The following ANKMY2 variants were observed in gnomAD, a reference collection of about 807,000 sequenced individuals.
ANKMY2 encodes the protein ankyrin repeat and MYND domain containing 2, also known as ankyrin repeat and MYND domain-containing protein 2.
A neutral mutation model predicts 50.4 loss-of-function variants in ANKMY2; 36 were observed. The ratio of observed to expected loss-of-function variants is 0.71; its 90% CI spans 0.55 to 0.94. The LOEUF is 0.94. ANKMY2 is among the 40% of genes least tolerant of loss of function. The probability of loss-of-function intolerance (pLI) is 0.00; values close to 1 mark genes in which losing one functional copy is unlikely to be tolerated. For synonymous variants in ANKMY2, 187 were observed against 178.8 expected, an observed-to-expected ratio of 1.05 and a Z score of -0.36; for missense variants, 565 against 524.0, an observed-to-expected ratio of 1.08 and a Z score of -0.76.
Position 16,621,563 on chromosome 7 carries a change from C to T in ANKMY2, c.370+3420G>A, listed in dbSNP as rs140178994. On this transcript the variant is annotated intron_variant, in intron 4 of 9. Coordinates refer to ENST00000306999, the MANE Select transcript of ANKMY2 (RefSeq NM_020319.3). ...TAAATTCTAGATGTACCAAAAAAAT[C>T]ATAAAAAATAACTGAAGGATATTTA... is the stretch of plus-strand genomic sequence containing the variant. 9.2e-5 allele frequency among the ~76,000 whole-genome samples: 14 copies of T among 152,138 alleles called. No homozygotes were observed. The East Asian group carries it at 2.5e-3, about 27-fold the overall frequency.
chr7:16,627,026 T>G lies in ANKMY2; in HGVS notation c.271+14A>C, dbSNP rs371127569. On this transcript the variant is annotated intron_variant, in intron 3 of 9. Transcript: ENST00000306999. ...TGTATAGGTAACTTATATTTATAAA[T>G]ACTAAAACTTCACCAGAAAGTGCAG... The G allele has an allele frequency of 1.8e-5, 28 of 1,587,764 alleles. No homozygotes were observed. The Admixed American group carries it at 1.8e-4, about 10-fold the overall frequency.
At position 16,614,012 on chromosome 7, in the gene ANKMY2, A is replaced by G. The variant is rs569273342; in HGVS notation, c.531+1732T>C. On this transcript the variant is annotated intron_variant, in intron 5 of 9. Transcript: ENST00000306999. ...GAAAGACAGTGAATCAGAAAAGTACAGGGAACTTCTTCAAGTCAGTCTAAG... is the reference window on the plus strand; with the variant it reads ...GAAAGACAGTGAATCAGAAAAGTACGGGGAACTTCTTCAAGTCAGTCTAAG... Among the ~76,000 whole-genome samples, 40 of 152,298 alleles carry G rather than the reference A, an allele frequency of 2.6e-4. No individual in the cohort carries two copies. In the South Asian group the frequency reaches 5.0e-3, roughly 19 times the overall value.
intron 8 of ANKMY2, 126 bp from the exon 9 acceptor site, chr7:16,602,635 T>G: frequency 8.0e-7 from 1 of 1,243,684 alleles, no homozygotes; most frequent in Admixed American, 2.5e-5. Flanking sequence ...AACCATAATA[T>G]GTGGTTGATA....
chr7:16,622,515 G>T (rs1781449602), intron 4 of ANKMY2, among the ~76,000 whole-genome samples: 1 of 152,042 alleles, frequency 6.6e-6, no homozygotes, highest in Non-Finnish European at 1.5e-5. Context: ...GAGGCGGGCA[G>T]ATCACAAGGT....
chr7:16,623,130 A>T (rs2128344256), intron 4 of ANKMY2, among the ~76,000 whole-genome samples: 1 of 152,286 alleles, frequency 6.6e-6, no homozygotes, highest in East Asian at 1.9e-4. Flanking sequence ...TGGCATTTTT[A>T]AAAAATGACA....
chr7:16,600,798 T>G lies in ANKMY2; in HGVS notation c.1289A>C (p.Gln430Pro). 6.2e-7 allele frequency: 1 copy of G among 1,613,684 alleles called. No individual in the cohort carries two copies. ...LESEAELEGLQDAPAGPQVSE... is the reference protein window; with the variant it reads ...LESEAELEGLPDAPAGPQVSE... ...CACCTGTGGCCCTGCAGGAGCATCC[T>G]GTAAGCCTTCCAACTCAGCTTCGCT... The change falls in exon 10 of 10, where the codon CAG becomes CCG. Residue 430 changes from glutamine (Q) to proline (P), a missense_variant. Coordinates refer to ENST00000306999, the MANE Select transcript of ANKMY2 (RefSeq NM_020319.3).
intron 3 of ANKMY2, 85 bp from the exon 4 acceptor site, chr7:16,625,166 T>A: frequency 1.0e-6 from 1 of 1,002,372 alleles, no homozygotes; most frequent in Non-Finnish European, 1.5e-6. Context: ...TACCCTTTAT[T>A]CCCCCAGTTA....
At chr7:16,605,875 G>T (rs1156786083) in intron 7 of ANKMY2, among the ~76,000 whole-genome samples, 1 of 151,574 alleles carries the variant, frequency 6.6e-6, no homozygotes, top group Admixed American at 6.6e-5. Flanking sequence ...AGTAGAGATG[G>T]GGTTTCACCG....
chr7:16,639,671 A>G (rs558716702), intron 1 of ANKMY2, among the ~76,000 whole-genome samples: 21 of 152,246 alleles, frequency 1.4e-4, no homozygotes, highest in African/African-American at 5.1e-4. Context: ...AGTCCCAGCT[A>G]CTCAGGAGGC....
chr7:16,626,775 A>T (rs1419801194), intron 3 of ANKMY2, among the ~76,000 whole-genome samples: 7 of 152,202 alleles, frequency 4.6e-5, no homozygotes, highest in Middle Eastern at 3.2e-3. Context: ...ACTTGAAAGA[A>T]AAACAGATCC....
chr7:16,624,889 T>C, intron 4 of ANKMY2, 94 bp downstream of exon 4: 1 of 1,031,838 alleles, frequency 9.7e-7, no homozygotes, highest in Non-Finnish European at 1.5e-6. Context: ...TAAAGCAACA[T>C]GATAATATTT....
chr7:16,624,268 T>C (rs1161706205), intron 4 of ANKMY2, among the ~76,000 whole-genome samples: 1 of 152,184 alleles, frequency 6.6e-6, no homozygotes, highest in Non-Finnish European at 1.5e-5. Context: ...GCTCTTTGCT[T>C]TTCTCTCAGT....
chr7:16,605,721 C>T (rs1361094038), intron 7 of ANKMY2, among the ~76,000 whole-genome samples: 8 of 135,340 alleles, frequency 5.9e-5, no homozygotes, highest in African/African-American at 1.1e-4. Context: ...CTCGCTCTGT[C>T]GCCCAGGCTA....
chr7:16,634,042 T>C (rs1039660778), intron 2 of ANKMY2, among the ~76,000 whole-genome samples: 12 of 152,224 alleles, frequency 7.9e-5, no homozygotes, highest in Non-Finnish European at 1.3e-4. Flanking sequence ...TACCCATGTG[T>C]GGGTAAAGAG....
intron 3 of ANKMY2, 68 bp from the exon 4 acceptor site, chr7:16,625,149 C>T (rs2128344531): frequency 1.6e-6 from 2 of 1,216,956 alleles, no homozygotes; most frequent in South Asian, 1.2e-5. Flanking sequence ...CCTTTCTAAA[C>T]TCTCTATACC....
chr7:16,643,482 A>C (rs866180263), intron 1 of ANKMY2, among the ~76,000 whole-genome samples: 1 of 152,224 alleles, frequency 6.6e-6, no homozygotes, highest in South Asian at 2.1e-4. Context: ...GGTCCACATC[A>C]GTTCTTTTCT....
intron 1 of ANKMY2, chr7:16,644,880 G>C (rs1332283410): frequency 5.6e-6 from 2 of 355,150 alleles, no homozygotes; most frequent in Non-Finnish European, 1.1e-5. Context: ...AACGTGGGCC[G>C]AGGGGTGGGT....
chr7:16,636,534 C>G (rs1222482246), intron 1 of ANKMY2, 79 bp from the exon 2 acceptor site: 30 of 1,129,434 alleles, frequency 2.7e-5, no homozygotes, highest in Non-Finnish European at 3.6e-5. Flanking sequence ...GGAAATAAAC[C>G]TTAAGGAGTT....
At chr7:16,644,938 T>A in intron 1 of ANKMY2, 1 of 334,678 alleles carries the variant, frequency 3.0e-6, no homozygotes. Flanking sequence ...CCTGAGGCTG[T>A]CGGGGCTTCT....
Sources: gnomAD v4.1 joint callset for allele counts (sites outside exome capture counted in the v4.1 genomes callset) on GRCh38, gnomAD v4.1.1 for gene constraint, MANE v1.5 for transcripts, NCBI Gene and HGNC (gene_info 2026-07-23, HGNC 2026-07-21) for gene names.